Variants in LAMA2 observed in about 807,000 individuals in gnomAD.
LAMA2 encodes laminin subunit alpha 2.
In LAMA2, 269 loss-of-function variants were observed where a neutral mutation model predicts 364.8. The observed-to-expected ratio is 0.74, with a 90% CI of 0.67 to 0.82. LAMA2 has a LOEUF of 0.82. LAMA2 is among the 40% of genes least tolerant of loss of function. LAMA2 has a pLI of 0.00. For synonymous variants in LAMA2, 1,379 were observed against 1,370.6 expected, an observed-to-expected ratio of 1.01 and a Z score of -0.14; for missense variants, 3,807 against 3,873.2, an observed-to-expected ratio of 0.98 and a Z score of 0.45.
At chr6:129,205,139 C>G (rs1237203202) in intron 12 of LAMA2, among the ~76,000 whole-genome samples, 1 of 151,976 alleles carries the variant, frequency 6.6e-6, no homozygotes, top group South Asian at 2.1e-4. Context: ...CCTGTAATCC[C>G]AGCACTTTGG....
chr6:129,275,419 C>T (rs943558725), intron 17 of LAMA2, among the ~76,000 whole-genome samples: 3 of 151,878 alleles, frequency 2.0e-5, no homozygotes, highest in African/African-American at 7.2e-5. Context: ...TTTTGACTCA[C>T]CTCTCTGTGC....
At chr6:129,450,819 T>C (rs1056763929) in intron 45 of LAMA2, among the ~76,000 whole-genome samples, 3 of 152,196 alleles carry the variant, frequency 2.0e-5, no homozygotes, top group African/African-American at 7.2e-5. Flanking sequence ...TCAGTTCTAC[T>C]CATGAATTCC....
intron 1 of LAMA2, among the ~76,000 whole-genome samples, chr6:128,997,433 AAG>A (rs1445767716): frequency 6.6e-5 from 10 of 152,094 alleles, no homozygotes; most frequent in Non-Finnish European, 7.4e-5. Flanking sequence ...AGAGTGAAGT[AAG>A]AGAGGGGAAG....
intron 48 of LAMA2, among the ~76,000 whole-genome samples, chr6:129,459,487 A>G (rs1024177088): frequency 2.0e-5 from 3 of 152,054 alleles, no homozygotes; most frequent in Non-Finnish European, 4.4e-5. Context: ...TCGATTCTCT[A>G]TTTGACTCCA....
intron 1 of LAMA2, among the ~76,000 whole-genome samples, chr6:128,981,385 G>T (rs1368778315): frequency 6.6e-6 from 1 of 151,896 alleles, no homozygotes; most frequent in African/African-American, 2.4e-5. Flanking sequence ...TCTCACCCTT[G>T]CCTGCACTTC....
At chr6:129,171,232 T>G (rs1471791847) in intron 9 of LAMA2, among the ~76,000 whole-genome samples, 2 of 152,168 alleles carry the variant, frequency 1.3e-5, no homozygotes, top group South Asian at 2.1e-4. Flanking sequence ...GTTAGCTGGT[T>G]ATTTTGCTCG....
chr6:129,300,849 C>T lies in LAMA2; in HGVS notation c.3151C>T (p.His1051Tyr). 1 of 1,613,772 alleles carries T rather than the reference C, an allele frequency of 6.2e-7. No homozygotes were observed. Among genetic ancestry groups the T allele is most frequent in the East Asian group, 2.2e-5 (1 of 44,858 alleles). Residue 1051 changes from histidine (H) to tyrosine (Y), a missense_variant, in exon 22 of 65, where the codon CAC (histidine) becomes TAC (tyrosine). This residue lies in a region of LAMA2 where 3,333 missense variants were observed against 3,345.7 expected (regional missense o/e 1.00). Transcript: ENST00000421865. ...TAAATGTGCACCCAATACCTGGGGC[C>T]ACAGCATTACCACTGGTTGTAAGGT... is the stretch of plus-strand genomic sequence containing the variant. ...CSKCAPNTWG[H>Y]SITTGCKACN...
chr6:129,158,745 G>A (rs1039564332), intron 8 of LAMA2: 2 of 1,614,034 alleles, frequency 1.2e-6, no homozygotes, highest in Non-Finnish European at 1.7e-6. Flanking sequence ...AAATTGGTCC[G>A]ACAACATTCT....
chr6:129,169,302 CATAG>C (rs1210461465), intron 9 of LAMA2, among the ~76,000 whole-genome samples: 7 of 148,934 alleles, frequency 4.7e-5, no homozygotes, highest in African/African-American at 1.6e-4. Flanking sequence ...GTGGGTTTGT[CATAG>C]ATAGCTCTTA....
intron 1 of LAMA2, among the ~76,000 whole-genome samples, chr6:128,950,068 G>A (rs559659823): frequency 6.6e-6 from 1 of 152,270 alleles, no homozygotes; most frequent in African/African-American, 2.4e-5. Context: ...GTCAAATATT[G>A]TTTAAGTACT....
chr6:129,479,414 G>T (rs557599155), intron 54 of LAMA2, among the ~76,000 whole-genome samples: 2 of 152,210 alleles, frequency 1.3e-5, no homozygotes, highest in African/African-American at 4.8e-5. Context: ...AAGCATCCTA[G>T]CATTCCCCTA....
intron 45 of LAMA2, among the ~76,000 whole-genome samples, chr6:129,448,438 A>G (rs1172957033): frequency 2.0e-5 from 3 of 152,236 alleles, no homozygotes; most frequent in African/African-American, 7.2e-5. Flanking sequence ...GAAATATGCA[A>G]GTAGCCAATT....
At chr6:129,417,418 C>T (rs1286133276) in intron 40 of LAMA2, among the ~76,000 whole-genome samples, 2 of 152,078 alleles carry the variant, frequency 1.3e-5, no homozygotes, top group Admixed American at 1.3e-4. Context: ...CTGGCTGAGT[C>T]CGGGGTTTTT....
intron 12 of LAMA2, among the ~76,000 whole-genome samples, chr6:129,208,324 A>G (rs1407611409): frequency 6.6e-6 from 1 of 152,184 alleles, no homozygotes; most frequent in African/African-American, 2.4e-5. Context: ...GAGTTAACAC[A>G]TATGCAGTAC....
In LAMA2 at chr6:129,316,123, A is replaced by G. The variant is rs139739075; in HGVS notation, c.4010A>G (p.His1337Arg). The change falls in exon 27 of 65, where the codon CAT becomes CGT. Residue 1337 changes from histidine to arginine, a missense_variant. Transcript: ENST00000421865. Reference sequence around the variant, plus strand: ...TTCTTGGATATACTATATGATATTCATTACATTCTTATCAAAGCTACTTAT... The same window carrying G: ...TTCTTGGATATACTATATGATATTCGTTACATTCTTATCAAAGCTACTTAT... ...EDFLDILYDI[H>R]YILIKATYGN... The G allele has an allele frequency of 2.8e-4, 458 of 1,608,846 alleles. No individual in the cohort carries two copies. Among genetic ancestry groups the G allele is most frequent in the Non-Finnish European group, 3.7e-4 (434 of 1,175,692 alleles).
At chr6:129,256,064 A>C (rs1019584353) in intron 14 of LAMA2, among the ~76,000 whole-genome samples, 1 of 152,214 alleles carries the variant, frequency 6.6e-6, no homozygotes, top group Non-Finnish European at 1.5e-5. Context: ...CTTGTATACA[A>C]TGGCAGAAAC....
chr6:129,098,674 C>T (rs1008305347), intron 4 of LAMA2, among the ~76,000 whole-genome samples: 1 of 152,234 alleles, frequency 6.6e-6, no homozygotes, highest in African/African-American at 2.4e-5. Context: ...ATTAATTTTA[C>T]ATATAAAGAG....
chr6:129,329,799 G>A (rs751873431), intron 29 of LAMA2, among the ~76,000 whole-genome samples: 1 of 152,184 alleles, frequency 6.6e-6, no homozygotes, highest in Non-Finnish European at 1.5e-5. Flanking sequence ...GGCCACAGGA[G>A]GATATTGGTC....
At chr6:129,057,104 G>A (rs1195765516) in intron 2 of LAMA2, among the ~76,000 whole-genome samples, 1 of 152,050 alleles carries the variant, frequency 6.6e-6, no homozygotes, top group Non-Finnish European at 1.5e-5. Flanking sequence ...ATTGCATTGA[G>A]GACTTAGTTT....
Sources: allele counts gnomAD v4.1 joint callset (sites outside exome capture counted in the v4.1 genomes callset), GRCh38; gene constraint gnomAD v4.1.1; regional missense constraint gnomAD v4.1.1; transcripts MANE v1.5; gene names NCBI Gene and HGNC (gene_info 2026-07-23, HGNC 2026-07-21).